Variants in CAST observed in about 807,000 individuals in gnomAD.
CAST encodes the protein calpastatin, also known as MIR583 host.
Under a neutral mutation model 119.6 loss-of-function variants are expected in CAST, and 76 were observed. That is an observed-to-expected ratio of 0.64 (90% confidence interval 0.53 to 0.77). CAST has a LOEUF of 0.77. CAST is among the 30% of genes least tolerant of loss of function. CAST has a pLI of 0.00. For synonymous variants in CAST, 319 were observed against 331.6 expected, an observed-to-expected ratio of 0.96 and a Z score of 0.41; for missense variants, 953 against 946.5, an observed-to-expected ratio of 1.01 and a Z score of -0.09.
the CAST span, among the ~76,000 whole-genome samples, chr5:96,025,543 GC>G: frequency 6.6e-6 from 1 of 152,094 alleles, no homozygotes; most frequent in African/African-American, 2.4e-5. Context: ...TCTTCTATGT[GC>G]AAAACATGGG....
the CAST span, among the ~76,000 whole-genome samples, chr5:96,328,547 A>C: frequency 2.8e-4 from 43 of 152,182 alleles, no homozygotes; most frequent in Admixed American, 9.2e-4. Context: ...CAGTTATTTT[A>C]ATGGAGAAAA....
chr5:96,733,260 A>G (rs1358720866), intron 9 of CAST, among the ~76,000 whole-genome samples: 2 of 152,214 alleles, frequency 1.3e-5, no homozygotes, highest in South Asian at 2.1e-4. Context: ...TCTTGCACCA[A>G]TGAGGAATGC....
chr5:96,061,653 G>A, the CAST span, among the ~76,000 whole-genome samples: 1 of 151,860 alleles, frequency 6.6e-6, no homozygotes, highest in Non-Finnish European at 1.5e-5. Flanking sequence ...CAGTGTGTGT[G>A]TGTGTGTGTG....
At chr5:96,627,481 C>T (rs574490244) in intron 1 of CAST, among the ~76,000 whole-genome samples, 8 of 152,194 alleles carry the variant, frequency 5.3e-5, no homozygotes, top group Non-Finnish European at 7.4e-5. Context: ...TCTCAAATAC[C>T]ATTATCTGGC....
the CAST span, among the ~76,000 whole-genome samples, chr5:96,279,541 A>C: frequency 6.6e-6 from 1 of 152,176 alleles, no homozygotes; most frequent in Non-Finnish European, 1.5e-5. Context: ...ACAGAATTCC[A>C]AACAACGTAT....
At chr5:96,067,194 G>T in the CAST span, among the ~76,000 whole-genome samples, 1 of 152,046 alleles carries the variant, frequency 6.6e-6, no homozygotes, top group Non-Finnish European at 1.5e-5. Context: ...GGTAATAGGG[G>T]TATTATATTT....
the CAST span, among the ~76,000 whole-genome samples, chr5:96,155,970 G>A: frequency 6.6e-6 from 1 of 152,202 alleles, no homozygotes; most frequent in East Asian, 1.9e-4. Context: ...GAGGGGCCCT[G>A]CAATAGCAGA....
the CAST span, among the ~76,000 whole-genome samples, chr5:96,089,167 G>A: frequency 6.6e-6 from 1 of 150,442 alleles, no homozygotes; most frequent in Non-Finnish European, 1.5e-5. Flanking sequence ...TTTTAAAGGA[G>A]TAGGTGAACA....
rs747582271 is a variant in CAST at position 96,754,052 on chromosome 5, A to G, written c.1525-8A>G. Reference sequence around the variant, plus strand: ...ACCTACTTAATATATCCACTAATGCACTTTCAGAAGGGCACAGTGCCAGAT... The same window carrying G: ...ACCTACTTAATATATCCACTAATGCGCTTTCAGAAGGGCACAGTGCCAGAT... On this transcript the variant is annotated splice_region_variant and splice_polypyrimidine_tract_variant and intron_variant, in intron 20 of 31. Coordinates refer to ENST00000675179, the MANE Select transcript of CAST (RefSeq NM_001750.7). The G allele has an allele frequency of 1.3e-6, 2 of 1,575,416 alleles. No homozygotes were observed. The highest frequency in any genetic ancestry group is 2.2e-5 in the South Asian group (2 of 90,306).
the CAST span, chr5:96,429,363 G>T: frequency 9.6e-7 from 1 of 1,042,060 alleles, no homozygotes; most frequent in Non-Finnish European, 1.5e-6. Context: ...TCCCAAACAA[G>T]TATATATGGA....
chr5:95,986,943 C>G, the CAST span, among the ~76,000 whole-genome samples: 2 of 152,078 alleles, frequency 1.3e-5, no homozygotes, highest in Admixed American at 6.5e-5. Context: ...TCCTAAGGAC[C>G]TTTGGAGTGG....
intron 1 of CAST, among the ~76,000 whole-genome samples, chr5:96,651,315 C>T (rs563092991): frequency 1.1e-4 from 17 of 152,298 alleles, no homozygotes; most frequent in Admixed American, 3.3e-4. Context: ...GACATTCTAA[C>T]GTGGGACAGA....
At chr5:96,206,814 TA>T in the CAST span, among the ~76,000 whole-genome samples, 1 of 152,122 alleles carries the variant, frequency 6.6e-6, no homozygotes, top group African/African-American at 2.4e-5. Flanking sequence ...CTATGAAGTT[TA>T]AAATAGTTTT....
At chr5:96,549,638 C>T (rs570972522) in intron 1 of CAST, among the ~76,000 whole-genome samples, 4 of 152,268 alleles carry the variant, frequency 2.6e-5, no homozygotes, top group Admixed American at 2.6e-4. Flanking sequence ...CCTTTCCTAG[C>T]CAAGGGAAGC....
the CAST span, among the ~76,000 whole-genome samples, chr5:96,339,247 A>G: frequency 1.3e-5 from 2 of 152,216 alleles, no homozygotes; most frequent in Non-Finnish European, 1.5e-5. Flanking sequence ...TGTGACACCA[A>G]GATAACATAC....
At position 96,730,349 on chromosome 5, in the gene CAST, A is replaced by C. The variant is rs543147977; in HGVS notation, c.550-431A>C. Reference sequence around the variant, plus strand: ...GATCTACCACTTAAATGCCACATGTATATTTTGTTTGGCTTACAATGTTGT... The same window carrying C: ...GATCTACCACTTAAATGCCACATGTCTATTTTGTTTGGCTTACAATGTTGT... On this transcript the variant is annotated intron_variant, in intron 8 of 31. Transcript: ENST00000675179. Among the ~76,000 whole-genome samples, 565 of 152,336 alleles carry C rather than the reference A, an allele frequency of 3.7e-3. 2 individuals are homozygous for C. Among genetic ancestry groups the C allele is most frequent in the Middle Eastern group, 0.01 (3 of 294 alleles).
intron 1 of CAST, among the ~76,000 whole-genome samples, chr5:96,588,327 G>A (rs1339134449): frequency 2.0e-4 from 29 of 148,000 alleles, no homozygotes; most frequent in African/African-American, 6.8e-4. Flanking sequence ...TCAGCCTCCC[G>A]AGTAGCTGGG....
chr5:96,616,008 G>T (rs139383608), intron 1 of CAST, among the ~76,000 whole-genome samples: 1 of 152,134 alleles, frequency 6.6e-6, no homozygotes, highest in Non-Finnish European at 1.5e-5. Flanking sequence ...AGGCTAGGAG[G>T]CTAGGCCAGT....
the CAST span, among the ~76,000 whole-genome samples, chr5:96,326,695 A>ATTTTTC: frequency 1.0e-5 from 1 of 95,734 alleles, no homozygotes; most frequent in African/African-American, 4.0e-5. Context: ...ATGGCTTTTC[A>ATTTTTC]TTTTTTTTTT....
Sources: allele counts gnomAD v4.1 joint callset (sites outside exome capture counted in the v4.1 genomes callset), GRCh38; gene constraint gnomAD v4.1.1; transcripts MANE v1.5; gene names NCBI Gene and HGNC (gene_info 2026-07-23, HGNC 2026-07-21).